The following GREB1L variants were observed in gnomAD, a reference collection of about 807,000 sequenced individuals.
GREB1L encodes GREB1-like protein.
In GREB1L, 17 loss-of-function variants were observed where a neutral mutation model predicts 200.8. The observed-to-expected ratio is 0.08, with a 90% CI of 0.06 to 0.13. The LOEUF (loss-of-function observed/expected upper bound fraction) is 0.13, where lower values mean the gene tolerates loss of function less well. Ranked by LOEUF, GREB1L falls within the 10% of genes least tolerant of loss-of-function variation. GREB1L has a pLI of 1.00. For missense variants in GREB1L, 1,657 were observed against 2,367.7 expected, an observed-to-expected ratio of 0.70 and a Z score of 6.23; for synonymous variants, 789 against 893.0, an observed-to-expected ratio of 0.88 and a Z score of 2.08.
intron 1 of GREB1L, among the ~76,000 whole-genome samples, 198 bp from the exon 2 acceptor site, chr18:21,365,829 G>T (rs1275846259): frequency 2.0e-5 from 3 of 151,980 alleles, no homozygotes; most frequent in Non-Finnish European, 4.4e-5. Flanking sequence ...TAATTATTTT[G>T]AGACTATTGA....
chr18:21,394,739 G>A (rs1197883966), intron 4 of GREB1L, among the ~76,000 whole-genome samples: 4 of 152,062 alleles, frequency 2.6e-5, no homozygotes, highest in Non-Finnish European at 4.4e-5. Context: ...ATTTGGATTG[G>A]AAGTAAAATA....
At chr18:21,268,489 G>GTGTGTA (rs1555623481) in intron 1 of GREB1L, among the ~76,000 whole-genome samples, 1 of 124,916 alleles carries the variant, frequency 8.0e-6, no homozygotes, top group Non-Finnish European at 1.7e-5. Flanking sequence ...GTGTGTGTGT[G>GTGTGTA]TATATATATA....
chr18:21,290,071 A>T (rs2038422739), intron 1 of GREB1L, among the ~76,000 whole-genome samples: 1 of 152,196 alleles, frequency 6.6e-6, no homozygotes, highest in South Asian at 2.1e-4. Context: ...CTATGCTGTT[A>T]CTTGGCTTCT....
intron 4 of GREB1L, among the ~76,000 whole-genome samples, chr18:21,391,833 G>T (rs1409021673): frequency 6.6e-6 from 1 of 152,200 alleles, no homozygotes; most frequent in Non-Finnish European, 1.5e-5. Context: ...TTTTGAGACA[G>T]AGTTTCACTC....
At chr18:21,467,180 T>C (rs750196066) in intron 15 of GREB1L, among the ~76,000 whole-genome samples, 2 of 152,218 alleles carry the variant, frequency 1.3e-5, no homozygotes, top group Non-Finnish European at 2.9e-5. Flanking sequence ...ATTTGTGACC[T>C]TGGAATACTA....
chr18:21,252,492 G>A (rs1258367644), intron 1 of GREB1L, among the ~76,000 whole-genome samples: 1 of 150,816 alleles, frequency 6.6e-6, no homozygotes, highest in Admixed American at 6.7e-5. Context: ...GGGAGGCGGA[G>A]GTTGCGGTGA....
intron 7 of GREB1L, chr18:21,435,142 A>G (rs1453921092): frequency 6.6e-6 from 1 of 152,652 alleles, no homozygotes; most frequent in African/African-American, 2.4e-5. Flanking sequence ...TGTGACATTT[A>G]ATTGACAAAT....
chr18:21,440,121 C>T (rs1163837748), intron 8 of GREB1L, 148 bp from the exon 9 acceptor site: 4 of 766,406 alleles, frequency 5.2e-6, no homozygotes, highest in Non-Finnish European at 8.0e-6. Context: ...TTTTTTTAAA[C>T]TTTACCTCTA....
chr18:21,406,853 A>G (rs1339294746), intron 7 of GREB1L, among the ~76,000 whole-genome samples: 4 of 134,888 alleles, frequency 3.0e-5, no homozygotes, highest in Admixed American at 1.5e-4. Flanking sequence ...TTGCTTGCAT[A>G]TTTTCTCTTA....
intron 1 of GREB1L, among the ~76,000 whole-genome samples, chr18:21,308,395 A>G (rs915279489): frequency 6.6e-6 from 1 of 152,218 alleles, no homozygotes; most frequent in Non-Finnish European, 1.5e-5. Flanking sequence ...AGGTGTTCAG[A>G]TAATTGTAAT....
intron 1 of GREB1L, among the ~76,000 whole-genome samples, chr18:21,363,288 C>G (rs1341975249): frequency 2.8e-5 from 1 of 35,188 alleles, no homozygotes; most frequent in Non-Finnish European, 5.5e-5. Context: ...CTCCCCCCCG[C>G]CCCCCCCCCC....
intron 1 of GREB1L, among the ~76,000 whole-genome samples, chr18:21,323,669 G>A (rs1026018388): frequency 2.0e-5 from 3 of 152,088 alleles, no homozygotes; most frequent in Non-Finnish European, 4.4e-5. Context: ...CAGAGTTCGA[G>A]GCTGTTGTGC....
chr18:21,243,003 A>G (rs1456384898), intron 1 of GREB1L, among the ~76,000 whole-genome samples: 1 of 151,866 alleles, frequency 6.6e-6, no homozygotes, highest in Non-Finnish European at 1.5e-5. Flanking sequence ...ACCAAATGTC[A>G]CTTCGTCACG....
intron 13 of GREB1L, among the ~76,000 whole-genome samples, chr18:21,451,641 G>A (rs1395199389): frequency 6.6e-6 from 1 of 151,802 alleles, no homozygotes; most frequent in Non-Finnish European, 1.5e-5. Flanking sequence ...CTACAGACAT[G>A]TGCCACCATG....
chr18:21,503,844 C>G (rs1459540228), intron 23 of GREB1L, among the ~76,000 whole-genome samples: 1 of 151,086 alleles, frequency 6.6e-6, no homozygotes, highest in Non-Finnish European at 1.5e-5. Context: ...TCCTAAAATG[C>G]TGGGATTACA....
At position 21,518,250 on chromosome 18, in the gene GREB1L, G is replaced by A. The variant is rs1319355388; in HGVS notation, c.5472+16G>A. 1.7e-5 allele frequency: 27 copies of A among 1,549,358 alleles called. No individual in the cohort carries two copies. The highest frequency in any genetic ancestry group is 2.4e-5 in the Non-Finnish European group (27 of 1,145,004). On this transcript the variant is annotated intron_variant, in intron 31 of 32. Coordinates refer to ENST00000424526, the MANE Select transcript of GREB1L (RefSeq NM_001142966.3). ...TGGACCAGAGGTAAAAAGGGTGTGGGGGATACTGTGCTTACCTACATCCAT... is the reference window on the plus strand; with the variant it reads ...TGGACCAGAGGTAAAAAGGGTGTGGAGGATACTGTGCTTACCTACATCCAT...
chr18:21,438,664 C>T (rs2033694812), intron 7 of GREB1L, among the ~76,000 whole-genome samples: 1 of 149,272 alleles, frequency 6.7e-6, no homozygotes, highest in Admixed American at 6.7e-5. Context: ...GAGACCTTGT[C>T]TCAAAAAAAA....
intron 30 of GREB1L, 77 bp from the exon 31 acceptor site, chr18:21,517,957 A>G: frequency 1.8e-6 from 2 of 1,133,404 alleles, no homozygotes; most frequent in South Asian, 1.4e-5. Flanking sequence ...GACTGTTAGG[A>G]TACACTTCAG....
At chr18:21,345,601 G>A (rs1335929890) in intron 1 of GREB1L, among the ~76,000 whole-genome samples, 5 of 151,968 alleles carry the variant, frequency 3.3e-5, no homozygotes, top group Admixed American at 6.6e-5. Flanking sequence ...GGCCAGGTGC[G>A]GTGGCTCACA....
Sources: gnomAD v4.1 joint callset for allele counts (sites outside exome capture counted in the v4.1 genomes callset) on GRCh38, gnomAD v4.1.1 for gene constraint, MANE v1.5 for transcripts, NCBI Gene and HGNC (gene_info 2026-07-23, HGNC 2026-07-21) for gene names.